The following RBPJ variants were observed in gnomAD, a reference collection of about 807,000 sequenced individuals.
RBPJ encodes the protein recombining binding protein suppressor of hairless.
RBPJ carries 9 observed loss-of-function variants against 67.8 expected under a neutral mutation model. That is an observed-to-expected ratio of 0.13 (90% CI 0.08 to 0.23). The LOEUF (loss-of-function observed/expected upper bound fraction) is 0.23, where lower values mean the gene tolerates loss of function less well. Among genes scored for constraint, RBPJ ranks in the 10% least tolerant of loss-of-function variants. The pLI, the probability that RBPJ is intolerant of heterozygous loss-of-function variation, is 1.00. For missense variants in RBPJ, 305 were observed against 595.6 expected (o/e 0.51, Z 5.08); for synonymous variants, 198 against 203.3 (o/e 0.97, Z 0.22).
At chr4:26,300,933 G>A (rs1397730) in intron 1 of RBPJ, among the ~76,000 whole-genome samples, 67,304 of 152,050 alleles carry the variant, frequency 0.44, 16,430 homozygotes, top group Admixed American at 0.58. Context: ...TGAACTACCT[G>A]ATGGCAAATT....
intron 1 of RBPJ, among the ~76,000 whole-genome samples, chr4:26,284,233 C>T (rs1262239815): frequency 6.6e-6 from 1 of 152,152 alleles, no homozygotes; most frequent in Non-Finnish European, 1.5e-5. Context: ...TGACTTTACA[C>T]CCTATTTCAT....
chr4:26,286,057 G>A (rs1034018928), intron 1 of RBPJ, among the ~76,000 whole-genome samples: 2 of 152,088 alleles, frequency 1.3e-5, no homozygotes, highest in African/African-American at 2.4e-5. Flanking sequence ...CGCTATGATC[G>A]TGCCGCTGCA....
At chr4:26,362,420 C>A (rs1018128785) in intron 1 of RBPJ, 2 of 1,370,726 alleles carry the variant, frequency 1.5e-6, no homozygotes, top group Non-Finnish European at 1.9e-6. Context: ...ACACTTAAGG[C>A]CTTATTTTTT....
intron 1 of RBPJ, among the ~76,000 whole-genome samples, chr4:26,357,663 T>C (rs1310417677): frequency 6.6e-6 from 1 of 152,174 alleles, no homozygotes; most frequent in Non-Finnish European, 1.5e-5. Flanking sequence ...CAACTATCAC[T>C]ACCATCCATC....
At position 26,214,824 on chromosome 4, in the gene RBPJ, GAGAA is replaced by G. The variant is rs201144085; in HGVS notation, c.-167+51217_-167+51220del. Among the ~76,000 whole-genome samples the G allele has an allele frequency of 1.4e-3, 141 of 104,126 alleles. 2 individuals are homozygous for G. Among genetic ancestry groups the G allele is most frequent in the African/African-American group, 4.7e-3 (126 of 26,964 alleles). The allele number at this position is 104,126 out of a possible 152,430, so 68.3% of individuals were successfully genotyped here. Reference sequence around the variant, plus strand: ...GAAGGGAAAAGAGAGAGAGAGAAAAGAGAAAGAAAGGAAGGAAGGGAGGGAGGGA... The same window carrying G: ...GAAGGGAAAAGAGAGAGAGAGAAAAGAGAAAGGAAGGAAGGGAGGGAGGGA... On this transcript the variant is annotated intron_variant, in intron 1 of 4. Transcript: ENST00000512351.
chr4:26,336,298 G>A (rs1436831577), intron 1 of RBPJ, among the ~76,000 whole-genome samples: 1 of 152,118 alleles, frequency 6.6e-6, no homozygotes, highest in African/African-American at 2.4e-5. Flanking sequence ...ATTGAGAAAG[G>A]AAGAGTTATG....
At chr4:26,178,603 G>A (rs548805515) in intron 1 of RBPJ, among the ~76,000 whole-genome samples, 1,072 of 100,936 alleles carry the variant, frequency 0.011, 12 homozygotes, top group African/African-American at 0.035. Flanking sequence ...GCAAGACCCC[G>A]TATCAAAAAA....
At chr4:26,416,263 T>C in intron 4 of RBPJ, among the ~76,000 whole-genome samples, 1 of 152,194 alleles carries the variant, frequency 6.6e-6, no homozygotes, top group Non-Finnish European at 1.5e-5. Flanking sequence ...CTAGATCTTT[T>C]TTTTTCTTCC....
At chr4:26,150,094 CA>C in the RBPJ span, among the ~76,000 whole-genome samples, 1 of 152,190 alleles carries the variant, frequency 6.6e-6, no homozygotes, top group African/African-American at 2.4e-5. Flanking sequence ...TCCTTTTTAT[CA>C]GATAAATTTC....
At chr4:26,262,315 T>A (rs1220340659) in intron 1 of RBPJ, among the ~76,000 whole-genome samples, 1 of 152,124 alleles carries the variant, frequency 6.6e-6, no homozygotes, top group Non-Finnish European at 1.5e-5. Context: ...GCTCAAGCAA[T>A]CCTCCCACCT....
At chr4:26,266,031 CA>C (rs1156939620) in intron 1 of RBPJ, among the ~76,000 whole-genome samples, 87 of 144,048 alleles carry the variant, frequency 6.0e-4, no homozygotes, top group Middle Eastern at 3.6e-3. Flanking sequence ...GACTGTATCT[CA>C]AAAAAAAAAA....
chr4:26,206,392 T>G (rs150158020), intron 1 of RBPJ, among the ~76,000 whole-genome samples: 181 of 152,310 alleles, frequency 1.2e-3, no homozygotes, highest in Non-Finnish European at 1.9e-3. Flanking sequence ...GATTTATTCC[T>G]CCCCCTCCCA....
At chr4:26,384,390 G>A (rs1427954460) in intron 1 of RBPJ, 1 of 152,062 alleles carries the variant, frequency 6.6e-6, no homozygotes, top group Admixed American at 6.6e-5. Context: ...GAACTAAATG[G>A]GATCCTATGA....
intron 1 of RBPJ, among the ~76,000 whole-genome samples, chr4:26,337,838 C>G (rs1277408785): frequency 6.6e-6 from 1 of 151,892 alleles, no homozygotes; most frequent in Non-Finnish European, 1.5e-5. Flanking sequence ...AAGCATGTGC[C>G]ACCAGGCTTG....
chr4:26,120,973 GAGAGGC>G, the RBPJ span, among the ~76,000 whole-genome samples: 4 of 151,638 alleles, frequency 2.6e-5, no homozygotes, highest in African/African-American at 4.9e-5. Flanking sequence ...AAAGGAGAGG[GAGAGGC>G]AGAGGGAGAG....
chr4:26,424,774 G>A lies in RBPJ; in HGVS notation c.747+31G>A. 1.6e-6 allele frequency: 2 copies of A among 1,277,072 alleles called. No individual in the cohort carries two copies. Among genetic ancestry groups the A allele is most frequent in the Non-Finnish European group, 2.2e-6 (2 of 890,328 alleles). The allele number at this position is 1,277,072 out of a possible 1,614,324, so 79.1% of individuals were successfully genotyped here. A position where few individuals can be genotyped will look rare whatever the true frequency, so the allele number is the denominator to read the frequency against. ...GCTCTACTTTTGCTTTAGTGATAAT[G>A]TGAAGTAAAAATTAATTTCTTAAAC... On this transcript the variant is annotated intron_variant, in intron 7 of 10. Coordinates refer to ENST00000355476, the MANE Select transcript of RBPJ (RefSeq NM_015874.6). The surrounding 1 kb of genome is among the most constrained non-coding windows in gnomAD (Gnocchi z 5.3).
At chr4:26,186,716 C>T (rs1269530403) in intron 1 of RBPJ, among the ~76,000 whole-genome samples, 1 of 152,196 alleles carries the variant, frequency 6.6e-6, no homozygotes, top group Non-Finnish European at 1.5e-5. Context: ...CGCTAAAAAA[C>T]AAGTCTGAAA....
chr4:26,380,182 T>C (rs1027915285), intron 1 of RBPJ, among the ~76,000 whole-genome samples: 30 of 152,218 alleles, frequency 2.0e-4, no homozygotes, highest in African/African-American at 6.3e-4. Context: ...TATTTAATAA[T>C]GTATTTTCAA....
chr4:26,375,280 C>A (rs1433130078), intron 1 of RBPJ, among the ~76,000 whole-genome samples: 2 of 133,078 alleles, frequency 1.5e-5, no homozygotes, highest in Middle Eastern at 3.7e-3. Flanking sequence ...CAGAGGGAGA[C>A]CCTGTCTCAA....
Sources: gnomAD v4.1 joint callset for allele counts (sites outside exome capture counted in the v4.1 genomes callset) on GRCh38, gnomAD v4.1.1 for gene constraint, Gnocchi (gnomAD v3.1) non-coding constraint, MANE v1.5 for transcripts, NCBI Gene and HGNC (gene_info 2026-07-23, HGNC 2026-07-21) for gene names.